Variants in NDE1 observed in about 807,000 individuals in gnomAD.
NDE1 encodes the protein nudE neurodevelopment protein 1.
A neutral mutation model predicts 43.4 loss-of-function variants in NDE1; 28 were observed. The observed-to-expected ratio is 0.65, with a 90% CI of 0.48 to 0.89. The LOEUF is 0.89. Among genes scored for constraint, NDE1 ranks in the 40% least tolerant of loss-of-function variants. The probability of loss-of-function intolerance (pLI) is 0.00; values close to 1 mark genes in which losing one functional copy is unlikely to be tolerated. For synonymous variants in NDE1, 184 were observed against 172.0 expected, an observed-to-expected ratio of 1.07 and a Z score of -0.55; for missense variants, 441 against 434.1, an observed-to-expected ratio of 1.02 and a Z score of -0.14.
In NDE1 at chr16:15,667,298, GC is replaced by G; in HGVS notation, c.97del (p.Gln33LysfsTer110). ...MTYKQRAENT[Q>X]EELREFQEGS... ...AATTTTGCTGTAGGGCAGAAAATAC[GC>G]AAGAGGAACTCCGAGAATTCCAGGA... On this transcript the variant is annotated frameshift_variant, in exon 3 of 9. Transcript: ENST00000396354. LOFTEE classifies it high-confidence loss of function. 1 of 1,614,116 alleles carries G rather than the reference GC, an allele frequency of 6.2e-7. No individual in the cohort carries two copies. The highest frequency in any genetic ancestry group is 8.5e-7 in the Non-Finnish European group (1 of 1,180,008).
At chr16:15,722,461 G>T (rs1567697470) in intron 8 of NDE1, among the ~76,000 whole-genome samples, 1 of 152,160 alleles carries the variant, frequency 6.6e-6, no homozygotes, top group African/African-American at 2.4e-5. Flanking sequence ...CAAACTTCCA[G>T]TATTCAGCAA....
chr16:15,678,320 A>T (rs2037993789), intron 4 of NDE1, among the ~76,000 whole-genome samples: 2 of 152,212 alleles, frequency 1.3e-5, no homozygotes, highest in Admixed American at 6.5e-5. Flanking sequence ...CAGAACACCA[A>T]GCCTGTGCTA....
chr16:15,719,635 T>G, intron 8 of NDE1: 1 of 1,614,146 alleles, frequency 6.2e-7, no homozygotes, highest in South Asian at 1.1e-5. Context: ...TTCTTCTCAT[T>G]CTCTTTGGCT....
At chr16:15,699,328 C>T (rs988017252) in intron 8 of NDE1, among the ~76,000 whole-genome samples, 43 of 147,218 alleles carry the variant, frequency 2.9e-4, no homozygotes, top group African/African-American at 1.0e-3. Flanking sequence ...GGTGTGATCT[C>T]GGCTCACTGC....
At chr16:15,701,965 T>G (rs576963346) in intron 8 of NDE1, 7 of 152,342 alleles carry the variant, frequency 4.6e-5, no homozygotes, top group Non-Finnish European at 1.0e-4. Flanking sequence ...GTTTATACTT[T>G]AATGTTTTCC....
Position 15,687,524 on chromosome 16 carries a change from T to G in NDE1, c.523+13T>G. 1 of 1,609,724 alleles carries G rather than the reference T, an allele frequency of 6.2e-7. No homozygotes were observed. Among genetic ancestry groups the G allele is most frequent in the East Asian group, 2.2e-5 (1 of 44,840 alleles). On this transcript the variant is annotated intron_variant, in intron 5 of 8. Coordinates refer to ENST00000396354, the MANE Select transcript of NDE1 (RefSeq NM_017668.3). ...GATGAAGCCAGAGGTCAGGAGGCCT[T>G]GGTGTCTTCACCAGCATGGTCCCCT...
At chr16:15,686,647 C>A (rs1024578964) in intron 4 of NDE1, 7 of 636,054 alleles carry the variant, frequency 1.1e-5, no homozygotes, top group Non-Finnish European at 1.2e-5. Context: ...CACTGCACTT[C>A]GGCCTGAGAG....
intron 4 of NDE1, among the ~76,000 whole-genome samples, chr16:15,683,572 T>C (rs2038289435): frequency 6.6e-6 from 1 of 151,838 alleles, no homozygotes; most frequent in Non-Finnish European, 1.5e-5. Context: ...GGTCTCGATC[T>C]CCTGACTTTG....
rs754743209 is a variant in NDE1 at position 15,694,182 on chromosome 16, G to T, written c.721G>T (p.Gly241Trp). ...ACACCCAGGCCTGGACGACTCCACC[G>T]GGGGGACCCCCCTCACACCTGCGGC... is the stretch of plus-strand genomic sequence containing the variant. The part of the protein sequence containing the change: ...SFRRGLDDST[G>W]GTPLTPAARI... Residue 241 changes from glycine (G) to tryptophan (W), a missense_variant, in exon 7 of 9, where the codon GGG becomes TGG. Coordinates refer to ENST00000396354, the MANE Select transcript of NDE1 (RefSeq NM_017668.3). 4.3e-6 allele frequency: 7 copies of T among 1,612,598 alleles called. No individual in the cohort carries two copies. Among genetic ancestry groups the T allele is most frequent in the African/African-American group, 1.3e-5 (1 of 74,864 alleles).
chr16:15,703,576 CA>C (rs879315859), intron 8 of NDE1: 3 of 347,052 alleles, frequency 8.6e-6, no homozygotes, highest in Non-Finnish European at 1.6e-5. Context: ...ACCTTGAATA[CA>C]GGGGTAGTAG....
chr16:15,644,379 C>A (rs2036255046), intron 1 of NDE1, among the ~76,000 whole-genome samples: 1 of 152,220 alleles, frequency 6.6e-6, no homozygotes, highest in Non-Finnish European at 1.5e-5. Flanking sequence ...AGGGCAGGAT[C>A]AGACATGTAG....
intron 8 of NDE1, among the ~76,000 whole-genome samples, chr16:15,708,264 G>A (rs991213183): frequency 6.6e-6 from 1 of 152,210 alleles, no homozygotes; most frequent in African/African-American, 2.4e-5. Flanking sequence ...GCCTGTGAAA[G>A]CTGAATCATG....
At chr16:15,675,000 G>C (rs1359313935) in intron 3 of NDE1, among the ~76,000 whole-genome samples, 1 of 152,110 alleles carries the variant, frequency 6.6e-6, no homozygotes, top group African/African-American at 2.4e-5. Flanking sequence ...AGGTCCATGT[G>C]GCTTTCTTTG....
chr16:15,651,246 A>G (rs188786727), intron 1 of NDE1, among the ~76,000 whole-genome samples: 2 of 152,224 alleles, frequency 1.3e-5, no homozygotes, highest in Admixed American at 1.3e-4. Context: ...TTCTAAAGAA[A>G]AGGCCTTTGC....
At chr16:15,681,265 T>TTTTTTTTTTTG (rs1484686302) in intron 4 of NDE1, among the ~76,000 whole-genome samples, 1 of 87,972 alleles carries the variant, frequency 1.1e-5, no homozygotes, top group Non-Finnish European at 2.3e-5. Flanking sequence ...TTTTTTTTTT[T>TTTTTTTTTTTG]TTTTTTTTTT....
intron 8 of NDE1, among the ~76,000 whole-genome samples, chr16:15,716,050 G>C (rs559826713): frequency 6.6e-6 from 1 of 152,078 alleles, no homozygotes; most frequent in South Asian, 2.1e-4. Context: ...GCAGTGAGCT[G>C]AGATCGCACC....
chr16:15,699,871 C>CT, intron 8 of NDE1: 1 of 1,309,250 alleles, frequency 7.6e-7, no homozygotes, highest in Non-Finnish European at 1.0e-6. Context: ...AAGTCGTTAC[C>CT]TTTTGTCGTC....
At chr16:15,697,976 T>C (rs1212445104) in intron 8 of NDE1, among the ~76,000 whole-genome samples, 1 of 151,926 alleles carries the variant, frequency 6.6e-6, no homozygotes, top group Non-Finnish European at 1.5e-5. Flanking sequence ...CCAGCTAATT[T>C]TTTGTATTTT....
intron 8 of NDE1, chr16:15,701,524 A>G (rs2039220959): frequency 6.6e-6 from 1 of 152,234 alleles, no homozygotes; most frequent in South Asian, 2.1e-4. Context: ...TAATGAAGTA[A>G]CCAGGGTGAC....
Sources: allele counts gnomAD v4.1 joint callset (sites outside exome capture counted in the v4.1 genomes callset), GRCh38; gene constraint gnomAD v4.1.1; transcripts MANE v1.5; gene names NCBI Gene and HGNC (gene_info 2026-07-23, HGNC 2026-07-21).